RAI1: variants seen among roughly 807,000 people sequenced by gnomAD.
RAI1 encodes the protein retinoic acid induced 1.
A neutral mutation model predicts 123.8 loss-of-function variants in RAI1; 9 were observed. The observed-to-expected ratio is 0.07, with a 90% CI of 0.04 to 0.13. The LOEUF (loss-of-function observed/expected upper bound fraction) is 0.13, where lower values mean the gene tolerates loss of function less well. Ranked by LOEUF, RAI1 falls within the 10% of genes least tolerant of loss-of-function variation. The pLI, the probability that RAI1 is intolerant of heterozygous loss-of-function variation, is 1.00. For synonymous variants in RAI1, 1,231 were observed against 1,127.3 expected, an observed-to-expected ratio of 1.09 and a Z score of -1.84; for missense variants, 2,256 against 2,545.8, an observed-to-expected ratio of 0.89 and a Z score of 2.45.
In RAI1 at chr17:17,782,410, T is replaced by A. The variant is rs751516480; in HGVS notation, c.-16-10523T>A. Among the ~76,000 whole-genome samples the A allele has an allele frequency of 1.4e-3, 213 of 151,546 alleles. 1 individual carries two copies. Among genetic ancestry groups the A allele is most frequent in the Admixed American group, 3.2e-3 (49 of 15,270 alleles). ...GAGGGCAGAGCGGGATTCCCCCTCC[T>A]CCGCCGGGCGGGGTGCCCGCCTGCG... On this transcript the variant is annotated intron_variant, in intron 2 of 5. Transcript: ENST00000353383.
In RAI1 at chr17:17,729,951, G is replaced by T. The variant is rs145746648; in HGVS notation, c.-17+5792G>T. The stretch of plus-strand genomic sequence containing the variant: ...GCTGGGGTAGGTCCTAGTGAGATTT[G>T]CTGAACCTGGTCCCACATCTTAGCA... On this transcript the variant is annotated intron_variant, in intron 2 of 5. Transcript: ENST00000353383. 3.2e-3 allele frequency among the ~76,000 whole-genome samples: 482 copies of T among 152,286 alleles called. 3 individuals carry two copies. The highest frequency in any genetic ancestry group is 0.011 in the African/African-American group (445 of 41,534).
rs775635205 is a variant in RAI1 at position 17,794,932 on chromosome 17, G to A, written c.1984G>A (p.Gly662Arg). ...SVAKSAWPRPGEPEALPDSLQ... is the reference protein window; with the variant it reads ...SVAKSAWPRPREPEALPDSLQ... ...GGCCAAGAGTGCGTGGCCCCGGCCTGGGGAGCCGGAGGCCCTGCCCGACTC... is the reference window on the plus strand; with the variant it reads ...GGCCAAGAGTGCGTGGCCCCGGCCTAGGGAGCCGGAGGCCCTGCCCGACTC... Residue 662 changes from glycine (G) to arginine (R), a missense_variant, in exon 3 of 6, where the codon GGG (glycine) becomes AGG (arginine). Physicochemically the swap from Gly to Arg is moderately radical, Grantham distance 125. Coordinates refer to ENST00000353383, the MANE Select transcript of RAI1 (RefSeq NM_030665.4). 3 of 1,613,696 alleles carry A rather than the reference G, an allele frequency of 1.9e-6. No individual in the cohort carries two copies. Among genetic ancestry groups the A allele is most frequent in the South Asian group, 2.2e-5 (2 of 91,086 alleles).
chr17:17,723,730 G>T (rs1915969023), intron 1 of RAI1, among the ~76,000 whole-genome samples: 1 of 146,642 alleles, frequency 6.8e-6, no homozygotes, highest in South Asian at 2.2e-4. Context: ...AGTCTGGGGC[G>T]CGGGCTGCGC....
chr17:17,747,566 C>T (rs372166956), intron 2 of RAI1, among the ~76,000 whole-genome samples: 1 of 152,206 alleles, frequency 6.6e-6, no homozygotes, highest in South Asian at 2.1e-4. Context: ...GCATTTGACA[C>T]GAGGCCGGCC....
In RAI1 at chr17:17,798,490, G is replaced by A. The variant is rs2032349694; in HGVS notation, c.5542G>A (p.Ala1848Thr). ...VAGKLFGLQE[A>T]MKVAVDMMCS... ...CGGGAAGCTCTTTGGGCTGCAGGAG[G>A]CCATGAAGGTGGCCGTGGACATGGT... is the stretch of plus-strand genomic sequence containing the variant. Residue 1848 changes from alanine (A) to threonine (T), a missense_variant, in exon 3 of 6, where the codon GCC becomes ACC. Coordinates refer to ENST00000353383, the MANE Select transcript of RAI1 (RefSeq NM_030665.4). The A allele has an allele frequency of 3.7e-6, 6 of 1,602,668 alleles. No individual in the cohort carries two copies. In the East Asian group the frequency reaches 1.1e-4, roughly 30 times the overall value.
rs794727521 is a variant in RAI1, at chr17:17,796,861, G to A, written c.3913G>A (p.Ala1305Thr). 1.1e-5 allele frequency: 17 copies of A among 1,612,668 alleles called. No individual in the cohort carries two copies. The highest frequency in any genetic ancestry group is 1.4e-5 in the Non-Finnish European group (17 of 1,179,718). The change falls in exon 3 of 6, where the codon GCC becomes ACC. Residue 1305 changes from alanine to threonine, a missense_variant. Physicochemically the swap from Ala to Thr is moderately conservative, Grantham distance 58. This residue lies in a region of RAI1 where 322 missense variants were observed against 358.0 expected (regional missense o/e 0.90). Coordinates refer to ENST00000353383, the MANE Select transcript of RAI1 (RefSeq NM_030665.4). This position sits in a 1 kb window ranked among gnomAD's most constrained non-coding sequence, Gnocchi z 5.8. The stretch of plus-strand genomic sequence containing the variant: ...GACCCCCGATGCCTGCCTCAAGCTC[G>A]CCTCTCGGGCAGCCTTCCAGGGGGC... ...PETPDACLKL[A>T]SRAAFQGAMK...
At chr17:17,682,055 C>A (rs1369296669) in intron 1 of RAI1, among the ~76,000 whole-genome samples, 2 of 133,832 alleles carry the variant, frequency 1.5e-5, no homozygotes, top group African/African-American at 5.8e-5. Flanking sequence ...GGGGGATGTG[C>A]GGCCAGCTGA....
intron 1 of RAI1, among the ~76,000 whole-genome samples, chr17:17,720,014 C>T (rs954160535): frequency 1.3e-5 from 2 of 152,164 alleles, no homozygotes; most frequent in South Asian, 2.1e-4. Flanking sequence ...TCTTAGTGTA[C>T]CAGCCTGGCC....
intron 1 of RAI1, among the ~76,000 whole-genome samples, chr17:17,686,251 G>A (rs1016648449): frequency 2.0e-5 from 3 of 151,788 alleles, no homozygotes; most frequent in Admixed American, 1.3e-4. Flanking sequence ...TCTTTAGCAA[G>A]GGCATGCTCA....
chr17:17,753,622 C>G (rs2030306594), intron 2 of RAI1, among the ~76,000 whole-genome samples: 1 of 152,224 alleles, frequency 6.6e-6, no homozygotes, highest in South Asian at 2.1e-4. Context: ...GAAGTTTGTA[C>G]TAGGAGCAGA....
At position 17,800,624 on chromosome 17, in the gene RAI1, G is replaced by A. The variant is rs1344578326; in HGVS notation, c.5565+2111G>A. 6.6e-6 allele frequency among the ~76,000 whole-genome samples: 1 copy of A among 152,238 alleles called. No homozygotes were observed. Among genetic ancestry groups the A allele is most frequent in the Non-Finnish European group, 1.5e-5 (1 of 68,038 alleles). On this transcript the variant is annotated intron_variant, in intron 3 of 5. Coordinates refer to ENST00000353383, the MANE Select transcript of RAI1 (RefSeq NM_030665.4). This position sits in a 1 kb window ranked among gnomAD's most constrained non-coding sequence, Gnocchi z 4.7. ...GCTAGCTTCCCTACACCACGCGGGG[G>A]CTGGAACTTGCCAGCCCAGCCCATG... is the stretch of plus-strand genomic sequence containing the variant.
chr17:17,785,780 G>C (rs865960401), intron 2 of RAI1, among the ~76,000 whole-genome samples: 1 of 152,126 alleles, frequency 6.6e-6, no homozygotes, highest in Non-Finnish European at 1.5e-5. Context: ...CTGCTTATCT[G>C]TGCTGGTCCC....
At chr17:17,776,297 T>A (rs994843342) in intron 2 of RAI1, among the ~76,000 whole-genome samples, 19 of 152,358 alleles carry the variant, frequency 1.2e-4, no homozygotes, top group African/African-American at 4.1e-4. Flanking sequence ...TAGAAGTTTT[T>A]AAATCTTTTA....
intron 1 of RAI1, among the ~76,000 whole-genome samples, chr17:17,710,747 C>T (rs1445544044): frequency 6.6e-6 from 1 of 152,238 alleles, no homozygotes; most frequent in Admixed American, 6.5e-5. Flanking sequence ...CCCACAAGGC[C>T]CTGCCTCATT....
At position 17,721,477 on chromosome 17, in the gene RAI1, T is replaced by A. The variant is rs114041258; in HGVS notation, c.-148-2551T>A. 4.6e-3 allele frequency among the ~76,000 whole-genome samples: 694 copies of A among 151,994 alleles called. 10 individuals carry two copies. Among genetic ancestry groups the A allele is most frequent in the African/African-American group, 0.016 (673 of 41,460 alleles). On this transcript the variant is annotated intron_variant, in intron 1 of 5. Transcript: ENST00000353383. ...AAGTGCAAAGGTCCTAAGGTGAGAG[T>A]GTGCCTGCTGAATTCAGGAACTGCA...
chr17:17,754,637 G>A (rs1362644807), intron 2 of RAI1, among the ~76,000 whole-genome samples: 1 of 152,172 alleles, frequency 6.6e-6, no homozygotes, highest in Non-Finnish European at 1.5e-5. Context: ...ATGGGAAACC[G>A]GCCCTCTGTA....
At chr17:17,757,445 A>G (rs1317175368) in intron 2 of RAI1, among the ~76,000 whole-genome samples, 6 of 152,162 alleles carry the variant, frequency 3.9e-5, no homozygotes, top group Non-Finnish European at 7.4e-5. Flanking sequence ...AGCCTGCCGT[A>G]GGGGTGGGGG....
At chr17:17,790,789 C>T (rs534554244) in intron 2 of RAI1, among the ~76,000 whole-genome samples, 10 of 152,174 alleles carry the variant, frequency 6.6e-5, no homozygotes, top group African/African-American at 2.2e-4. Context: ...CATAAACATG[C>T]GCCTGGGGAG....
chr17:17,717,441 G>T (rs2142916814), intron 1 of RAI1, among the ~76,000 whole-genome samples: 1 of 152,186 alleles, frequency 6.6e-6, no homozygotes, highest in South Asian at 2.1e-4. Flanking sequence ...CCGTGCCAGG[G>T]TGAGCAGGGC....
Sources: allele counts gnomAD v4.1 joint callset (sites outside exome capture counted in the v4.1 genomes callset), GRCh38; gene constraint gnomAD v4.1.1; regional missense constraint gnomAD v4.1.1; non-coding constraint Gnocchi (gnomAD v3.1); transcripts MANE v1.5; gene names NCBI Gene and HGNC (gene_info 2026-07-23, HGNC 2026-07-21).